Variants in STK32A observed in about 807,000 individuals in gnomAD.
STK32A encodes serine/threonine-protein kinase 32A.
STK32A carries 41 observed loss-of-function variants against 53.2 expected under a neutral mutation model. The ratio of observed to expected loss-of-function variants is 0.77; its 90% CI spans 0.60 to 1.00. The LOEUF (loss-of-function observed/expected upper bound fraction) is 1.00, where lower values mean the gene tolerates loss of function less well. Ranked by LOEUF, STK32A falls within the 50% of genes least tolerant of loss-of-function variation. The pLI is 0.00. For synonymous variants in STK32A, 166 were observed against 162.8 expected, an observed-to-expected ratio of 1.02 and a Z score of -0.15; for missense variants, 458 against 485.8, an observed-to-expected ratio of 0.94 and a Z score of 0.54.
chr5:147,357,666 T>A (rs1756313612), intron 7 of STK32A, among the ~76,000 whole-genome samples: 1 of 152,090 alleles, frequency 6.6e-6, no homozygotes, highest in South Asian at 2.1e-4. Flanking sequence ...ATGCTTTTCT[T>A]AGCAAGACCT....
At chr5:147,251,417 T>A (rs1167460994) in intron 2 of STK32A, among the ~76,000 whole-genome samples, 1 of 152,198 alleles carries the variant, frequency 6.6e-6, no homozygotes, top group Non-Finnish European at 1.5e-5. Context: ...TATCATTCGA[T>A]CAGTCTACAA....
intron 6 of STK32A, among the ~76,000 whole-genome samples, chr5:147,347,946 A>G (rs1156416404): frequency 6.6e-6 from 1 of 152,144 alleles, no homozygotes; most frequent in East Asian, 1.9e-4. Flanking sequence ...TGACCCTCAA[A>G]TAATTTCTCC....
intron 2 of STK32A, among the ~76,000 whole-genome samples, chr5:147,271,318 G>T (rs1755021651): frequency 6.6e-6 from 1 of 152,108 alleles, no homozygotes; most frequent in Non-Finnish European, 1.5e-5. Flanking sequence ...TCCTATGCCT[G>T]TCTTTACTTT....
At chr5:147,264,777 G>A (rs1754732344) in intron 2 of STK32A, among the ~76,000 whole-genome samples, 1 of 152,046 alleles carries the variant, frequency 6.6e-6, no homozygotes, top group Non-Finnish European at 1.5e-5. Context: ...GGACATGGTG[G>A]AGATCACCCA....
rs984205242 is a variant in STK32A at position 147,387,318 on chromosome 5, G to A, written c.*3335G>A. 1 of 152,250 alleles carries A rather than the reference G, an allele frequency of 6.6e-6. No homozygotes were observed. Among genetic ancestry groups the A allele is most frequent in the African/African-American group, 2.4e-5 (1 of 41,464 alleles). The allele number at this position is 152,250 out of a possible 1,614,324, so 9.4% of individuals were successfully genotyped here. A position where few individuals can be genotyped will look rare whatever the true frequency, so the allele number is the denominator to read the frequency against. On this transcript the variant is annotated 3_prime_UTR_variant, in exon 13 of 13. Coordinates refer to ENST00000397936, the MANE Select transcript of STK32A (RefSeq NM_001112724.2). ...TTGCCTGAGGTCATTGCTAGGGCAG[G>A]AATGAACAGCAACCAGCACAGAGCA... is the stretch of plus-strand genomic sequence containing the variant.
chr5:147,344,175 T>G (rs1394994742), intron 6 of STK32A, among the ~76,000 whole-genome samples: 1 of 152,174 alleles, frequency 6.6e-6, no homozygotes, highest in East Asian at 1.9e-4. Flanking sequence ...CAAAAAGGAT[T>G]TGCAAGTGGA....
At chr5:147,361,383 G>T in intron 7 of STK32A, 134 bp from the exon 8 acceptor site, 1 of 697,068 alleles carries the variant, frequency 1.4e-6, no homozygotes, top group Non-Finnish European at 2.6e-6. Flanking sequence ...GAGCAATCTA[G>T]CAACGGATGA....
intron 2 of STK32A, among the ~76,000 whole-genome samples, chr5:147,266,047 G>A (rs1022619281): frequency 2.5e-4 from 38 of 152,194 alleles, no homozygotes; most frequent in African/African-American, 8.2e-4. Flanking sequence ...CCAGGTATAC[G>A]GTAGACTGTA....
chr5:147,317,183 C>A (rs535084533), intron 4 of STK32A, among the ~76,000 whole-genome samples: 2 of 151,624 alleles, frequency 1.3e-5, no homozygotes, highest in African/African-American at 2.4e-5. Flanking sequence ...CTTGAACAAG[C>A]CTCTAGATCT....
intron 8 of STK32A, among the ~76,000 whole-genome samples, chr5:147,364,253 A>G (rs1041915907): frequency 2.0e-5 from 3 of 151,824 alleles, no homozygotes; most frequent in Non-Finnish European, 4.4e-5. Flanking sequence ...CCTCAGCTAA[A>G]TATCTCATTT....
intron 5 of STK32A, among the ~76,000 whole-genome samples, chr5:147,324,312 T>C (rs535020313): frequency 1.3e-5 from 2 of 152,302 alleles, no homozygotes; most frequent in Non-Finnish European, 2.9e-5. Context: ...TTTGGTACTA[T>C]TTTATAACTA....
At chr5:147,326,290 C>T (rs1056091799) in intron 5 of STK32A, among the ~76,000 whole-genome samples, 3 of 152,054 alleles carry the variant, frequency 2.0e-5, no homozygotes, top group Non-Finnish European at 2.9e-5. Flanking sequence ...ACTTAGTGCC[C>T]GTTCTCAGAA....
At chr5:147,299,843 A>C (rs368971370) in intron 4 of STK32A, among the ~76,000 whole-genome samples, 1 of 152,196 alleles carries the variant, frequency 6.6e-6, no homozygotes, top group African/African-American at 2.4e-5. Context: ...TTGTATCACA[A>C]ATTCCAGGAT....
intron 2 of STK32A, among the ~76,000 whole-genome samples, chr5:147,253,570 G>A (rs1754094154): frequency 6.6e-6 from 1 of 152,122 alleles, no homozygotes; most frequent in Admixed American, 6.6e-5. Flanking sequence ...TGGCCAGGCT[G>A]GTCTTGAACT....
chr5:147,350,930 A>G, intron 6 of STK32A, 135 bp from the exon 7 acceptor site: 6 of 680,170 alleles, frequency 8.8e-6, no homozygotes, highest in South Asian at 8.7e-5. Context: ...GTTTAAGACC[A>G]TATCGGCCTT....
At chr5:147,327,232 C>T (rs1039073776) in intron 5 of STK32A, among the ~76,000 whole-genome samples, 1 of 152,272 alleles carries the variant, frequency 6.6e-6, no homozygotes, top group Non-Finnish European at 1.5e-5. Context: ...AAAAGCAATA[C>T]AGAAGAGATA....
intron 2 of STK32A, among the ~76,000 whole-genome samples, chr5:147,275,557 C>T (rs1755219556): frequency 6.6e-6 from 1 of 152,124 alleles, no homozygotes; most frequent in Non-Finnish European, 1.5e-5. Context: ...CTCCTGGGCT[C>T]AAGCAATGCT....
At chr5:147,318,736 A>T (rs946819493) in intron 4 of STK32A, among the ~76,000 whole-genome samples, 1 of 151,382 alleles carries the variant, frequency 6.6e-6, no homozygotes, top group Non-Finnish European at 1.5e-5. Context: ...TGACTGTGCC[A>T]CTGCACTGCA....
chr5:147,284,326 A>AAAAGTTGAAAG (rs1752214330), intron 4 of STK32A, among the ~76,000 whole-genome samples: 1 of 150,648 alleles, frequency 6.6e-6, no homozygotes, highest in Non-Finnish European at 1.5e-5. Flanking sequence ...AAAACTGAAC[A>AAAAGTTGAAAG]CATTCCCTCT....
Sources: gnomAD v4.1 joint callset for allele counts (sites outside exome capture counted in the v4.1 genomes callset) on GRCh38, gnomAD v4.1.1 for gene constraint, MANE v1.5 for transcripts, NCBI Gene and HGNC (gene_info 2026-07-23, HGNC 2026-07-21) for gene names.